UBASH3B: variants seen among roughly 807,000 people sequenced by gnomAD.
UBASH3B encodes the protein ubiquitin associated and SH3 domain containing B.
UBASH3B carries 37 observed loss-of-function variants against 83.4 expected under a neutral mutation model. The observed-to-expected ratio is 0.44, with a 90% CI of 0.34 to 0.58. UBASH3B has a LOEUF of 0.58. UBASH3B is among the 20% of genes least tolerant of loss of function. The pLI is 0.01. For synonymous variants in UBASH3B, 304 were observed against 318.3 expected, an observed-to-expected ratio of 0.96 and a Z score of 0.48; for missense variants, 657 against 827.2, an observed-to-expected ratio of 0.79 and a Z score of 2.52.
chr11:122,676,060 C>T (rs1863663766), intron 1 of UBASH3B, among the ~76,000 whole-genome samples: 1 of 152,158 alleles, frequency 6.6e-6, no homozygotes, highest in Non-Finnish European at 1.5e-5. Flanking sequence ...TGGCTTTAGA[C>T]CCCTCAGCTC....
chr11:122,713,249 G>A (rs900125497), intron 1 of UBASH3B, among the ~76,000 whole-genome samples: 7 of 152,068 alleles, frequency 4.6e-5, no homozygotes, highest in Non-Finnish European at 7.4e-5. Context: ...GGCTCACATG[G>A]GATGAAGCTC....
At chr11:122,709,786 C>G (rs1486232429) in intron 1 of UBASH3B, among the ~76,000 whole-genome samples, 1 of 152,152 alleles carries the variant, frequency 6.6e-6, no homozygotes, top group Non-Finnish European at 1.5e-5. Context: ...CACACGGTCT[C>G]AAAAACTAGA....
intron 1 of UBASH3B, among the ~76,000 whole-genome samples, chr11:122,675,457 T>C (rs1486745374): frequency 2.6e-5 from 4 of 152,156 alleles, no homozygotes; most frequent in Non-Finnish European, 5.9e-5. Flanking sequence ...TGGAGAGGAA[T>C]TGATATGTCA....
chr11:122,765,339 C>A (rs1418455106), intron 1 of UBASH3B, among the ~76,000 whole-genome samples: 1 of 152,210 alleles, frequency 6.6e-6, no homozygotes, highest in East Asian at 1.9e-4. Context: ...TAAGGAGAGG[C>A]TTATTGGCCA....
chr11:122,753,520 T>C (rs573501400), intron 1 of UBASH3B, among the ~76,000 whole-genome samples: 63 of 139,684 alleles, frequency 4.5e-4, no homozygotes, highest in African/African-American at 1.7e-3. Context: ...TTTTTGGTGA[T>C]GGAGTTTCAC....
intron 1 of UBASH3B, among the ~76,000 whole-genome samples, chr11:122,750,430 C>T (rs1182673057): frequency 6.6e-6 from 1 of 152,160 alleles, no homozygotes; most frequent in Non-Finnish European, 1.5e-5. Flanking sequence ...CCCAAACCCC[C>T]AAAGCTACAA....
At chr11:122,733,303 T>A (rs1162723064) in intron 1 of UBASH3B, among the ~76,000 whole-genome samples, 2 of 152,210 alleles carry the variant, frequency 1.3e-5, no homozygotes, top group African/African-American at 4.8e-5. Context: ...CAATCTCTAT[T>A]ATTTCTGGAG....
At chr11:122,724,362 T>C (rs2135946539) in intron 1 of UBASH3B, among the ~76,000 whole-genome samples, 1 of 152,318 alleles carries the variant, frequency 6.6e-6, no homozygotes, top group Middle Eastern at 3.4e-3. Context: ...GCATAAGTGC[T>C]AACTTCACTG....
chr11:122,704,456 G>A (rs185639038), intron 1 of UBASH3B, among the ~76,000 whole-genome samples: 1 of 152,210 alleles, frequency 6.6e-6, no homozygotes, highest in African/African-American at 2.4e-5. Context: ...GTGTCAGGTT[G>A]GTGGCGTGTT....
At chr11:122,796,592 C>T (rs547488385) in intron 8 of UBASH3B, among the ~76,000 whole-genome samples, 27 of 152,190 alleles carry the variant, frequency 1.8e-4, no homozygotes, top group African/African-American at 6.0e-4. Flanking sequence ...CTGGCTCGCT[C>T]GGTTCCATTT....
chr11:122,809,679 G>GT, intron 13 of UBASH3B, 70 bp from the exon 14 acceptor site: 1 of 1,532,714 alleles, frequency 6.5e-7, no homozygotes, highest in South Asian at 1.2e-5. Context: ...GAATATCTTT[G>GT]TATTTAGGTA....
intron 1 of UBASH3B, among the ~76,000 whole-genome samples, chr11:122,704,761 C>G (rs575763340): frequency 6.6e-6 from 1 of 152,064 alleles, no homozygotes; most frequent in East Asian, 1.9e-4. Context: ...CTGCCCGCCT[C>G]GGCCTCCCAA....
chr11:122,689,947 C>G (rs1565530062), intron 1 of UBASH3B, among the ~76,000 whole-genome samples: 1 of 151,998 alleles, frequency 6.6e-6, no homozygotes, highest in East Asian at 1.9e-4. Context: ...CGCCACCCTC[C>G]AGGACCCTCC....
chr11:122,704,946 C>G (rs1014835450), intron 1 of UBASH3B, among the ~76,000 whole-genome samples: 4 of 152,134 alleles, frequency 2.6e-5, no homozygotes, highest in African/African-American at 9.7e-5. Context: ...GAAGGTCACT[C>G]TGATAAAAAG....
rs1320691687 is a variant in UBASH3B at position 122,813,057 on chromosome 11, G to T, written c.*3171G>T. ...TTATTTTAATTATACTTTAACCAAA[G>T]AATTATTTTAAAGTAACCTTATATT... On this transcript the variant is annotated 3_prime_UTR_variant, in exon 14 of 14. Transcript: ENST00000284273. 12 of 152,444 alleles carry T rather than the reference G, an allele frequency of 7.9e-5. No homozygotes were observed. The highest frequency in any genetic ancestry group is 1.2e-4 in the Non-Finnish European group (8 of 67,996). 9.4% of individuals were successfully genotyped at this position (152,444 alleles called of 1,614,324 possible). A position where few individuals can be genotyped will look rare whatever the true frequency, so the allele number is the denominator to read the frequency against.
intron 6 of UBASH3B, 46 bp from the exon 7 acceptor site, chr11:122,794,656 G>A: frequency 6.2e-7 from 1 of 1,611,998 alleles, no homozygotes. Context: ...AAGTGCTGAT[G>A]ACTGCTGGCC....
At chr11:122,704,929 A>G (rs1012257807) in intron 1 of UBASH3B, among the ~76,000 whole-genome samples, 3 of 152,132 alleles carry the variant, frequency 2.0e-5, no homozygotes, top group Non-Finnish European at 2.9e-5. Flanking sequence ...GGGGGGTTAG[A>G]AGAAAAGAAG....
intron 1 of UBASH3B, among the ~76,000 whole-genome samples, chr11:122,684,373 A>G (rs1338629261): frequency 1.3e-5 from 2 of 152,180 alleles, no homozygotes; most frequent in Non-Finnish European, 2.9e-5. Context: ...AGAGAGCGAC[A>G]AGCAAAAGTT....
rs1349441888 is a variant in UBASH3B at position 122,759,983 on chromosome 11, G to A, written c.162-16236G>A. Among the ~76,000 whole-genome samples, 1 of 152,182 alleles carries A rather than the reference G, an allele frequency of 6.6e-6. No individual in the cohort carries two copies. ...GAATTATACAAAGGAGTGAACACCA[G>A]AAGTTAGGATTACTAAGGTGTCACC... On this transcript the variant is annotated intron_variant, in intron 1 of 13. Coordinates refer to ENST00000284273, the MANE Select transcript of UBASH3B (RefSeq NM_032873.5). This position sits in a 1 kb window ranked among gnomAD's most constrained non-coding sequence, Gnocchi z 4.1.
Sources: gnomAD v4.1 joint callset for allele counts (sites outside exome capture counted in the v4.1 genomes callset) on GRCh38, gnomAD v4.1.1 for gene constraint, Gnocchi (gnomAD v3.1) non-coding constraint, MANE v1.5 for transcripts, NCBI Gene and HGNC (gene_info 2026-07-23, HGNC 2026-07-21) for gene names.